The following FBXO36 variants were observed in gnomAD, a reference collection of about 807,000 sequenced individuals.
FBXO36 encodes the protein F-box protein 36, also known as F-box only protein 36.
FBXO36 carries 18 observed loss-of-function variants against 17.0 expected under a neutral mutation model. That is an observed-to-expected ratio of 1.06 (90% CI 0.73 to 1.57). The LOEUF (loss-of-function observed/expected upper bound fraction) is 1.57, where lower values mean the gene tolerates loss of function less well. Ranked by LOEUF, FBXO36 falls within the 40% of genes most tolerant of loss-of-function variation. FBXO36 has a pLI of 0.00. For missense variants in FBXO36, 229 were observed against 221.9 expected, an observed-to-expected ratio of 1.03 and a Z score of -0.20; for synonymous variants, 83 against 85.3, an observed-to-expected ratio of 0.97 and a Z score of 0.15.
chr2:229,937,556 C>T (rs2076970711), intron 1 of FBXO36, among the ~76,000 whole-genome samples: 1 of 152,154 alleles, frequency 6.6e-6, no homozygotes, highest in African/African-American at 2.4e-5. Flanking sequence ...TTCTCAGTAT[C>T]AGGACAAAGC....
chr2:229,942,827 T>TC (rs894063978), intron 1 of FBXO36: 1 of 152,276 alleles, frequency 6.6e-6, no homozygotes, highest in African/African-American at 2.4e-5. Context: ...GGGAGCTTTT[T>TC]CCCACAGTCA....
intron 3 of FBXO36, among the ~76,000 whole-genome samples, chr2:230,003,459 C>T (rs1042724263): frequency 1.2e-4 from 19 of 152,124 alleles, no homozygotes; most frequent in Admixed American, 1.1e-3. Flanking sequence ...TCGGTCCATG[C>T]CTGCAAAATA....
At position 229,984,666 on chromosome 2, in the gene FBXO36, C is replaced by G. The variant is rs530993330; in HGVS notation, c.205+8317C>G. 1.9e-3 allele frequency among the ~76,000 whole-genome samples: 292 copies of G among 151,984 alleles called. 2 individuals are homozygous for G. The highest frequency in any genetic ancestry group is 6.8e-3 in the African/African-American group (283 of 41,512). ...GCCTCCCAAAGTGCTGGGATTACAG[C>G]CGTGAGCCACCGCGCCCAGCCTAAT... On this transcript the variant is annotated intron_variant, in intron 2 of 3. Transcript: ENST00000283946.
At chr2:229,961,117 A>T (rs541476270) in intron 1 of FBXO36, among the ~76,000 whole-genome samples, 116 of 152,210 alleles carry the variant, frequency 7.6e-4, no homozygotes, top group Middle Eastern at 3.4e-3. Flanking sequence ...TCAAAAAAAA[A>T]AAATAAATTT....
chr2:229,930,440 T>G (rs1412501673), intron 1 of FBXO36, among the ~76,000 whole-genome samples: 1 of 152,108 alleles, frequency 6.6e-6, no homozygotes, highest in Non-Finnish European at 1.5e-5. Context: ...TCCCTTATTC[T>G]TCCCTCTTCC....
At chr2:230,007,197 T>A (rs1156243967) in intron 3 of FBXO36, among the ~76,000 whole-genome samples, 1 of 152,208 alleles carries the variant, frequency 6.6e-6, no homozygotes, top group African/African-American at 2.4e-5. Flanking sequence ...ATGCTATCCA[T>A]TTCCTCCAAA....
At chr2:230,008,805 A>G in intron 3 of FBXO36, among the ~76,000 whole-genome samples, 1 of 152,216 alleles carries the variant, frequency 6.6e-6, no homozygotes, top group East Asian at 1.9e-4. Flanking sequence ...AATAGGTTGT[A>G]ATCTGAGTAG....
rs544662960 is a variant in FBXO36 at position 229,962,857 on chromosome 2, AG to A, written c.97-13383del. ...CACATCTGGCTAATTTTGTATTTTT[AG>A]TAGAGACAGGGTTTCACCATGTTAG... On this transcript the variant is annotated intron_variant, in intron 1 of 3. Coordinates refer to ENST00000283946, the MANE Select transcript of FBXO36 (RefSeq NM_174899.5). Among the ~76,000 whole-genome samples, 852 of 151,382 alleles carry A rather than the reference AG, an allele frequency of 5.6e-3. 5 individuals carry two copies. The highest frequency in any genetic ancestry group is 0.019 in the African/African-American group (800 of 41,210).
At chr2:229,981,015 A>T (rs1223415827) in intron 2 of FBXO36, among the ~76,000 whole-genome samples, 2 of 152,180 alleles carry the variant, frequency 1.3e-5, no homozygotes, top group Non-Finnish European at 2.9e-5. Context: ...CTGTCTTCAG[A>T]GGAAGGAGGA....
intron 1 of FBXO36, chr2:229,944,961 G>A (rs1252631634): frequency 6.6e-6 from 1 of 152,112 alleles, no homozygotes; most frequent in East Asian, 1.9e-4. Flanking sequence ...TAAACTTTAA[G>A]GATTTAGGGA....
rs150999845 is a variant in FBXO36, at chr2:230,003,042, T to C, written c.378+6119T>C. On this transcript the variant is annotated intron_variant, in intron 3 of 3. Transcript: ENST00000283946. Reference sequence around the variant, plus strand: ...CCTGGCCAACATGATGAAACCCCCGTCTCTACCAAAAATACAAAAAATTAG... The same window carrying C: ...CCTGGCCAACATGATGAAACCCCCGCCTCTACCAAAAATACAAAAAATTAG... Among the ~76,000 whole-genome samples the C allele has an allele frequency of 8.7e-4, 132 of 151,712 alleles. 4 individuals carry two copies. In the East Asian group the frequency reaches 0.024, roughly 27 times the overall value.
chr2:229,961,521 G>T lies in FBXO36; in HGVS notation c.97-14720G>T, dbSNP rs546637247. The stretch of plus-strand genomic sequence containing the variant: ...TTCCTGAGTAGCTGGAACTACGGGC[G>T]CATGCCACCACGCCCAGCTAATTTT... On this transcript the variant is annotated intron_variant, in intron 1 of 3. Coordinates refer to ENST00000283946, the MANE Select transcript of FBXO36 (RefSeq NM_174899.5). Among the ~76,000 whole-genome samples, 110 of 152,174 alleles carry T rather than the reference G, an allele frequency of 7.2e-4. 1 individual carries two copies. The highest frequency in any genetic ancestry group is 5.2e-3 in the South Asian group (25 of 4,820).
At chr2:229,925,758 T>C (rs1169746309) in intron 1 of FBXO36, among the ~76,000 whole-genome samples, 1 of 152,212 alleles carries the variant, frequency 6.6e-6, no homozygotes, top group African/African-American at 2.4e-5. Context: ...AGAATATAAA[T>C]GTTATACATA....
chr2:229,960,087 A>G (rs1188071634), intron 1 of FBXO36, among the ~76,000 whole-genome samples: 1 of 152,034 alleles, frequency 6.6e-6, no homozygotes, highest in Non-Finnish European at 1.5e-5. Context: ...TCTGAAATGA[A>G]TGTGATATTA....
rs542897282 is a variant in FBXO36 at position 230,007,617 on chromosome 2, T to G, written c.379-3079T>G. ...TTGGTCCAACAATTTTCTTTTTTTTTTTGTTACAGAGTCTCGCTCTGTTGC... is the reference window on the plus strand; with the variant it reads ...TTGGTCCAACAATTTTCTTTTTTTTGTTGTTACAGAGTCTCGCTCTGTTGC... On this transcript the variant is annotated intron_variant, in intron 3 of 3. Coordinates refer to ENST00000283946, the MANE Select transcript of FBXO36 (RefSeq NM_174899.5). Among the ~76,000 whole-genome samples, 15 of 152,224 alleles carry G rather than the reference T, an allele frequency of 9.9e-5. No individual in the cohort carries two copies. The East Asian group carries it at 2.5e-3, about 25-fold the overall frequency.
At chr2:229,946,405 C>G (rs983748509) in intron 1 of FBXO36, among the ~76,000 whole-genome samples, 1 of 152,218 alleles carries the variant, frequency 6.6e-6, no homozygotes, top group Non-Finnish European at 1.5e-5. Flanking sequence ...CCTGTTAGAT[C>G]TGCCTGCATC....
At chr2:229,999,226 A>C (rs2077344610) in intron 3 of FBXO36, among the ~76,000 whole-genome samples, 1 of 148,558 alleles carries the variant, frequency 6.7e-6, no homozygotes, top group Non-Finnish European at 1.5e-5. Flanking sequence ...TATTGGGTTC[A>C]AGTGATTCTT....
chr2:229,965,948 C>T (rs897269451), intron 1 of FBXO36, among the ~76,000 whole-genome samples: 6 of 152,190 alleles, frequency 3.9e-5, no homozygotes, highest in Non-Finnish European at 7.3e-5. Context: ...CCTGAGGAAT[C>T]GCCATACTGT....
At chr2:229,967,342 C>T (rs555340277) in intron 1 of FBXO36, among the ~76,000 whole-genome samples, 1 of 152,168 alleles carries the variant, frequency 6.6e-6, no homozygotes, top group Non-Finnish European at 1.5e-5. Flanking sequence ...ATTTGACTTC[C>T]TCTTTCCCTA....
Sources: allele counts gnomAD v4.1 joint callset (sites outside exome capture counted in the v4.1 genomes callset), GRCh38; gene constraint gnomAD v4.1.1; transcripts MANE v1.5; gene names NCBI Gene and HGNC (gene_info 2026-07-23, HGNC 2026-07-21).